The following CBLN2 variants were observed in gnomAD, a reference collection of about 807,000 sequenced individuals.
The protein encoded by CBLN2 is cerebellin-2.
A neutral mutation model predicts 15.0 loss-of-function variants in CBLN2; 7 were observed. That is an observed-to-expected ratio of 0.47 (90% confidence interval 0.27 to 0.88). The LOEUF is 0.88. CBLN2 is among the 40% of genes least tolerant of loss of function. The pLI is 0.14. For missense variants in CBLN2, 242 were observed against 304.5 expected (o/e 0.79, Z 1.53); for synonymous variants, 149 against 135.2 (o/e 1.10, Z -0.71).
At chr18:72,576,226 C>T (rs2069365622) in intron 1 of CBLN2, among the ~76,000 whole-genome samples, 1 of 152,144 alleles carries the variant, frequency 6.6e-6, no homozygotes, top group Non-Finnish European at 1.5e-5. Context: ...GCTTCCTATT[C>T]TGTTTAGAAT....
intron 1 of CBLN2, among the ~76,000 whole-genome samples, chr18:72,616,879 T>A (rs2069666225): frequency 6.6e-6 from 1 of 152,206 alleles, no homozygotes; most frequent in African/African-American, 2.4e-5. Context: ...TTTATATTTC[T>A]AAAATTCAGA....
At chr18:72,628,523 G>A (rs1181987088) in intron 1 of CBLN2, among the ~76,000 whole-genome samples, 1 of 152,136 alleles carries the variant, frequency 6.6e-6, no homozygotes, top group Admixed American at 6.5e-5. Flanking sequence ...GAGATGGCCC[G>A]GCCTTTATAC....
chr18:72,589,898 C>G (rs1215052455), intron 1 of CBLN2, among the ~76,000 whole-genome samples: 1 of 152,016 alleles, frequency 6.6e-6, no homozygotes, highest in Non-Finnish European at 1.5e-5. Flanking sequence ...TTTGGGAGGC[C>G]GAGGTGAGCA....
At chr18:72,619,238 C>T in intron 1 of CBLN2, 1 of 924,362 alleles carries the variant, frequency 1.1e-6, no homozygotes, top group Non-Finnish European at 1.7e-6. Flanking sequence ...AGTCAGGAAA[C>T]AAAGCTTAGC....
chr18:72,614,384 T>G (rs903797747), intron 1 of CBLN2, among the ~76,000 whole-genome samples: 2 of 152,226 alleles, frequency 1.3e-5, no homozygotes, highest in Admixed American at 6.5e-5. Flanking sequence ...TCTTCAGAGT[T>G]CATCAGGTAA....
At chr18:72,629,107 C>T (rs555406292) in intron 1 of CBLN2, among the ~76,000 whole-genome samples, 7 of 152,158 alleles carry the variant, frequency 4.6e-5, no homozygotes, top group African/African-American at 7.2e-5. Flanking sequence ...GACAAAGAAG[C>T]GAGGACTTCC....
intron 1 of CBLN2, among the ~76,000 whole-genome samples, chr18:72,609,913 G>C (rs1366516934): frequency 6.6e-6 from 1 of 152,088 alleles, no homozygotes; most frequent in African/African-American, 2.4e-5. Flanking sequence ...TGTCATCTGG[G>C]GATGGTATTC....
At chr18:72,561,885 G>C (rs749841455) in intron 1 of CBLN2, among the ~76,000 whole-genome samples, 2 of 152,122 alleles carry the variant, frequency 1.3e-5, no homozygotes, top group Non-Finnish European at 2.9e-5. Context: ...TATATGTCAG[G>C]GGTAAATAAA....
intron 1 of CBLN2, among the ~76,000 whole-genome samples, chr18:72,555,989 C>T (rs1180355775): frequency 6.6e-6 from 1 of 152,136 alleles, no homozygotes; most frequent in Admixed American, 6.5e-5. Flanking sequence ...CCCAGTTGAA[C>T]CATTCTTCCT....
chr18:72,609,696 C>T (rs2069608109), intron 1 of CBLN2, among the ~76,000 whole-genome samples: 1 of 152,148 alleles, frequency 6.6e-6, no homozygotes, highest in African/African-American at 2.4e-5. Flanking sequence ...TCCCCAGGTG[C>T]CATCCCTGTC....
At chr18:72,568,420 T>A (rs1326522870) in intron 1 of CBLN2, among the ~76,000 whole-genome samples, 1 of 152,134 alleles carries the variant, frequency 6.6e-6, no homozygotes, top group East Asian at 1.9e-4. Context: ...TTCATGTCAG[T>A]AGCTTCCAAA....
chr18:72,546,416 G>A (rs2069158552), upstream of CBLN2, among the ~76,000 whole-genome samples: 1 of 151,810 alleles, frequency 6.6e-6, no homozygotes. Flanking sequence ...CTCCGGCCTG[G>A]GTGACAGAGC....
At chr18:72,591,517 C>A (rs182507924) in intron 1 of CBLN2, among the ~76,000 whole-genome samples, 37 of 152,246 alleles carry the variant, frequency 2.4e-4, no homozygotes, top group African/African-American at 8.4e-4. Context: ...CAATTAAACT[C>A]TTCCATTATT....
chr18:72,608,083 A>G (rs2069595830), intron 1 of CBLN2, among the ~76,000 whole-genome samples: 1 of 152,170 alleles, frequency 6.6e-6, no homozygotes, highest in South Asian at 2.1e-4. Flanking sequence ...TAAGGTTCAT[A>G]TGACTGCAAA....
At chr18:72,542,562 G>GGGGCC (rs1295037023) in intron 2 of CBLN2, among the ~76,000 whole-genome samples, 76 of 152,078 alleles carry the variant, frequency 5.0e-4, no homozygotes, top group Non-Finnish European at 5.9e-5. Flanking sequence ...GACGAGGGAG[G>GGGGCC]GGGCCGCGCT....
chr18:72,620,264 G>A (rs1346388641), intron 1 of CBLN2: 4 of 152,064 alleles, frequency 2.6e-5, no homozygotes, highest in Non-Finnish European at 4.4e-5. Context: ...TTTTTTTTGA[G>A]TATCTGCACT....
chr18:72,627,709 GA>G (rs2144975146), intron 1 of CBLN2, among the ~76,000 whole-genome samples: 1 of 152,336 alleles, frequency 6.6e-6, no homozygotes, highest in South Asian at 2.1e-4. Context: ...TTTGAATGGT[GA>G]TTGCACATAT....
At chr18:72,538,926 G>A (rs1327838210) in intron 3 of CBLN2, 154 bp from the exon 4 acceptor site, 23 of 886,488 alleles carry the variant, frequency 2.6e-5, no homozygotes, top group Non-Finnish European at 3.5e-5. Context: ...CAGGAAGGAG[G>A]CAGTGCTGAA....
intron 1 of CBLN2, among the ~76,000 whole-genome samples, chr18:72,637,610 G>A (rs1404514125): frequency 6.6e-6 from 1 of 152,180 alleles, no homozygotes; most frequent in African/African-American, 2.4e-5. Context: ...CCCGAGTTAT[G>A]TGCTATTTTC....
Sources: gnomAD v4.1 joint callset for allele counts (sites outside exome capture counted in the v4.1 genomes callset) on GRCh38, gnomAD v4.1.1 for gene constraint, MANE v1.5 for transcripts, NCBI Gene and HGNC (gene_info 2026-07-23, HGNC 2026-07-21) for gene names.